P2RX1: variants seen among roughly 807,000 people sequenced by gnomAD.
The protein encoded by P2RX1 is P2X purinoceptor 1.
P2RX1 carries 42 observed loss-of-function variants against 50.3 expected under a neutral mutation model. That is an observed-to-expected ratio of 0.83 (90% CI 0.65 to 1.08). P2RX1 has a LOEUF of 1.08. P2RX1 is among the 50% of genes least tolerant of loss of function. The pLI, the probability that P2RX1 is intolerant of heterozygous loss-of-function variation, is 0.00. For missense variants in P2RX1, 449 were observed against 529.0 expected (o/e 0.85, Z 1.48); for synonymous variants, 199 against 202.6 (o/e 0.98, Z 0.15).
chr17:3,905,083 G>T, intron 2 of P2RX1, 137 bp downstream of exon 2: 1 of 1,270,408 alleles, frequency 7.9e-7, no homozygotes, highest in Non-Finnish European at 1.1e-6. Flanking sequence ...GATATCACCA[G>T]GCTGCTTCTG....
chr17:3,900,204 G>A (rs1001721439), intron 7 of P2RX1, among the ~76,000 whole-genome samples: 1 of 152,152 alleles, frequency 6.6e-6, no homozygotes, highest in Non-Finnish European at 1.5e-5. Context: ...TGTAATCCCA[G>A]CATTTTGGGA....
Position 3,897,697 on chromosome 17 carries a change from T to A in P2RX1, c.*117A>T. The stretch of plus-strand genomic sequence containing the variant: ...CCTGAGCTTCTGGCAAACTGCTCTC[T>A]GCCTGGCTGAGAGGGTAGGAGACTT... On this transcript the variant is annotated 3_prime_UTR_variant, in exon 12 of 12. Coordinates refer to ENST00000225538, the MANE Select transcript of P2RX1 (RefSeq NM_002558.4). 1 of 903,316 alleles carries A rather than the reference T, an allele frequency of 1.1e-6. No homozygotes were observed. The allele number at this position is 903,316 out of a possible 1,614,324, so 56.0% of individuals were successfully genotyped here. A position where few individuals can be genotyped will look rare whatever the true frequency, so the allele number is the denominator to read the frequency against.
chr17:3,915,837 G>C (rs972934276), intron 1 of P2RX1: 1 of 638,100 alleles, frequency 1.6e-6, no homozygotes, highest in African/African-American at 1.8e-5. Context: ...ACACTGAGCC[G>C]GCTCCTCAGA....
chr17:3,905,616 G>C (rs911965750), intron 1 of P2RX1, among the ~76,000 whole-genome samples: 3 of 152,200 alleles, frequency 2.0e-5, no homozygotes, highest in Non-Finnish European at 4.4e-5. Flanking sequence ...GGGAGGCCGA[G>C]GCGGGTGGAT....
intron 1 of P2RX1, among the ~76,000 whole-genome samples, chr17:3,908,743 C>T (rs1162540983): frequency 3.9e-5 from 6 of 152,152 alleles, no homozygotes; most frequent in Admixed American, 3.9e-4. Flanking sequence ...CTTTCTACCT[C>T]GTCATCAGCA....
intron 2 of P2RX1, 34 bp from the exon 3 acceptor site, chr17:3,904,963 G>GGGGGGGGGGGGC: frequency 1.4e-5 from 6 of 435,284 alleles, no homozygotes; most frequent in Admixed American, 2.8e-5. Flanking sequence ...GGTGGGGTGG[G>GGGGGGGGGGGGC]CTGGGAGCTG....
At chr17:3,904,570 C>A in intron 3 of P2RX1, 171 bp from the exon 4 acceptor site, 1 of 684,654 alleles carries the variant, frequency 1.5e-6, no homozygotes, top group Non-Finnish European at 2.5e-6. Flanking sequence ...ACTGCTCTGC[C>A]GAGGCGCCCC....
Position 3,899,009 on chromosome 17 carries a change from A to G in P2RX1, c.891T>C (p.Phe297=). Residue 297 remains phenylalanine, a synonymous_variant, in exon 9 of 12, where the codon TTT becomes TTC. Coordinates refer to ENST00000225538, the MANE Select transcript of P2RX1 (RefSeq NM_002558.4). Reference sequence around the variant, plus strand: ...GACGGTAGTTGGTCCCGTTCTCCACAAAGTGCCTGGCAAACCTTGGGGAAG... The same window carrying G: ...GACGGTAGTTGGTCCCGTTCTCCACGAAGTGCCTGGCAAACCTTGGGGAAG... ...PGFNFRFARH[F]VENGTNYRHL... 1 of 1,612,774 alleles carries G rather than the reference A, an allele frequency of 6.2e-7. No homozygotes were observed. The highest frequency in any genetic ancestry group is 8.5e-7 in the Non-Finnish European group (1 of 1,179,560).
chr17:3,909,265 C>T (rs968154919), intron 1 of P2RX1, among the ~76,000 whole-genome samples: 4 of 151,908 alleles, frequency 2.6e-5, no homozygotes, highest in East Asian at 1.9e-4. Flanking sequence ...CTCCTGACCT[C>T]GTGATCCGCC....
At chr17:3,904,603 A>G in intron 3 of P2RX1, 1 of 635,228 alleles carries the variant, frequency 1.6e-6, no homozygotes, top group South Asian at 1.9e-5. Context: ...CCAGCTGCCC[A>G]CTGCCAATGT....
Position 3,897,740 on chromosome 17 carries a change from G to T in P2RX1, c.*74C>A. The T allele has an allele frequency of 7.1e-7, 1 of 1,408,134 alleles. No homozygotes were observed. The highest frequency in any genetic ancestry group is 9.9e-7 in the Non-Finnish European group (1 of 1,007,378). 87.2% of individuals were successfully genotyped at this position (1,408,134 alleles called of 1,614,324 possible). A position where few individuals can be genotyped will look rare whatever the true frequency, so the allele number is the denominator to read the frequency against. On this transcript the variant is annotated 3_prime_UTR_variant, in exon 12 of 12. Coordinates refer to ENST00000225538, the MANE Select transcript of P2RX1 (RefSeq NM_002558.4). ...GGAGACTTCCTGGGGAGGCCCCTCT[G>T]CCCTGGCTGGGACCCACCAGGGCTC...
chr17:3,906,531 G>C (rs2056267774), intron 1 of P2RX1, among the ~76,000 whole-genome samples: 1 of 152,240 alleles, frequency 6.6e-6, no homozygotes, highest in African/African-American at 2.4e-5. Context: ...GACATTAGTT[G>C]TTATTATGAT....
At chr17:3,901,284 G>T (rs193095482) in intron 7 of P2RX1, among the ~76,000 whole-genome samples, 3 of 152,216 alleles carry the variant, frequency 2.0e-5, no homozygotes, top group Non-Finnish European at 4.4e-5. Context: ...AGCCAGGATG[G>T]TCTCGATCTC....
At position 3,897,674 on chromosome 17, in the gene P2RX1, T is replaced by G. The variant is rs1318754290; in HGVS notation, c.*140A>C. ...CACAGGTCTCTCCTACTATGCACCC[T>G]GAGCTTCTGGCAAACTGCTCTCTGC... On this transcript the variant is annotated 3_prime_UTR_variant, in exon 12 of 12. Coordinates refer to ENST00000225538, the MANE Select transcript of P2RX1 (RefSeq NM_002558.4). 2.6e-6 allele frequency: 2 copies of G among 760,002 alleles called. No homozygotes were observed. The highest frequency in any genetic ancestry group is 3.4e-5 in the African/African-American group (2 of 58,098). The allele number at this position is 760,002 out of a possible 1,614,324, so 47.1% of individuals were successfully genotyped here. A position where few individuals can be genotyped will look rare whatever the true frequency, so the allele number is the denominator to read the frequency against.
Position 3,904,276 on chromosome 17 carries a change from C to T in P2RX1, c.427+54G>A, listed in dbSNP as rs373478658. On this transcript the variant is annotated intron_variant, in intron 4 of 11. Transcript: ENST00000225538. Reference sequence around the variant, plus strand: ...TCAGCACCAAGCTGGGCCTGCAGGACGTCAGGGACCGCAGCCGGGGGACTG... The same window carrying T: ...TCAGCACCAAGCTGGGCCTGCAGGATGTCAGGGACCGCAGCCGGGGGACTG... The T allele has an allele frequency of 3.9e-5, 60 of 1,534,250 alleles. No homozygotes were observed. In the African/African-American group the frequency reaches 4.4e-4, roughly 11 times the overall value.
chr17:3,903,162 G>A lies in P2RX1; in HGVS notation c.747+40C>T, dbSNP rs1157407547. 1.3e-5 allele frequency: 21 copies of A among 1,613,188 alleles called. No individual in the cohort carries two copies. Among genetic ancestry groups the A allele is most frequent in the East Asian group, 2.2e-5 (1 of 44,866 alleles). ...TAAAAAGCCTTTATCAGGATCCTGC[G>A]GCCCAGCCCTCCCCACGTGCCTGGC... On this transcript the variant is annotated intron_variant, in intron 7 of 11. Transcript: ENST00000225538. This position sits in a 1 kb window ranked among gnomAD's most constrained non-coding sequence, Gnocchi z 4.6.
chr17:3,905,522 C>T lies in P2RX1; in HGVS notation c.138-155G>A, dbSNP rs1012791466. On this transcript the variant is annotated intron_variant, in intron 1 of 11. Transcript: ENST00000225538. ...AGGCAGGACAGCCTCCCCTGCCTCC[C>T]GCTGCTGGCCTGGGCCTGAAGTTCC... Among the ~76,000 whole-genome samples, 8 of 152,210 alleles carry T rather than the reference C, an allele frequency of 5.3e-5. No homozygotes were observed. The East Asian group carries it at 1.3e-3, about 26-fold the overall frequency.
chr17:3,903,071 A>T lies in P2RX1; in HGVS notation c.747+131T>A. On this transcript the variant is annotated intron_variant, in intron 7 of 11. Transcript: ENST00000225538. The surrounding 1 kb of genome is among the most constrained non-coding windows in gnomAD (Gnocchi z 4.6). Reference sequence around the variant, plus strand: ...GATCTGACGCTCAGGGGGCCCCAGTATCAGGGGACAGACCCATACATATAC... The same window carrying T: ...GATCTGACGCTCAGGGGGCCCCAGTTTCAGGGGACAGACCCATACATATAC... 2 of 1,287,136 alleles carry T rather than the reference A, an allele frequency of 1.6e-6. No homozygotes were observed. Among genetic ancestry groups the T allele is most frequent in the South Asian group, 2.5e-5 (2 of 79,268 alleles). The allele number at this position is 1,287,136 out of a possible 1,614,324, so 79.7% of individuals were successfully genotyped here.
chr17:3,899,597 A>C (rs1218348630), intron 8 of P2RX1, 37 bp downstream of exon 8: 2 of 1,610,262 alleles, frequency 1.2e-6, no homozygotes, highest in Non-Finnish European at 1.7e-6. Flanking sequence ...CCGCAGGACC[A>C]CAAGGAAGAA....
Sources: gnomAD v4.1 joint callset for allele counts (sites outside exome capture counted in the v4.1 genomes callset) on GRCh38, gnomAD v4.1.1 for gene constraint, Gnocchi (gnomAD v3.1) non-coding constraint, MANE v1.5 for transcripts, NCBI Gene and HGNC (gene_info 2026-07-23, HGNC 2026-07-21) for gene names.